LYST: variants seen among roughly 807,000 people sequenced by gnomAD.
LYST encodes the protein lysosomal trafficking regulator.
In LYST, 192 loss-of-function variants were observed where a neutral mutation model predicts 413.6. That is an observed-to-expected ratio of 0.46 (90% confidence interval 0.41 to 0.52). The LOEUF (loss-of-function observed/expected upper bound fraction) is 0.52. Among genes scored for constraint, LYST ranks in the 20% least tolerant of loss-of-function variants. The pLI, the probability that LYST is intolerant of heterozygous loss-of-function variation, is 0.00. For synonymous variants in LYST, 1,525 were observed against 1,567.3 expected, an observed-to-expected ratio of 0.97 and a Z score of 0.64; for missense variants, 3,815 against 4,499.9, an observed-to-expected ratio of 0.85 and a Z score of 4.35.
chr1:235,872,580 A>C (rs1680981274), intron 1 of LYST, among the ~76,000 whole-genome samples: 1 of 152,188 alleles, frequency 6.6e-6, no homozygotes, highest in Non-Finnish European at 1.5e-5. Flanking sequence ...TATGACCTAG[A>C]ATCATCCAAC....
chr1:235,778,078 A>G (rs1669465023), intron 16 of LYST, among the ~76,000 whole-genome samples: 1 of 139,186 alleles, frequency 7.2e-6, no homozygotes, highest in African/African-American at 3.2e-5. Flanking sequence ...ACCTGCCACC[A>G]CACCCAGTTA....
At chr1:235,780,674 A>C (rs1029035950) in intron 16 of LYST, among the ~76,000 whole-genome samples, 191 bp downstream of exon 16, 1 of 151,970 alleles carries the variant, frequency 6.6e-6, no homozygotes, top group Non-Finnish European at 1.5e-5. Context: ...TATAAATATA[A>C]AGCCTGAAAC....
intron 24 of LYST, among the ~76,000 whole-genome samples, chr1:235,756,470 C>T (rs951554975): frequency 5.3e-5 from 8 of 152,016 alleles, no homozygotes; most frequent in African/African-American, 1.9e-4. Context: ...ATATTATTTC[C>T]CTTTATATAC....
chr1:235,699,141 G>A lies in LYST; in HGVS notation c.10375-1869C>T, dbSNP rs548369228. On this transcript the variant is annotated intron_variant, in intron 45 of 52. Coordinates refer to ENST00000389793, the MANE Select transcript of LYST (RefSeq NM_000081.4). ...TAGTTCTGGGATACATGTGCAGAAC[G>A]TGCAGGTTTGTTACATAGGTATACG... is the stretch of plus-strand genomic sequence containing the variant. Among the ~76,000 whole-genome samples, 38 of 152,100 alleles carry A rather than the reference G, an allele frequency of 2.5e-4. No homozygotes were observed. In the South Asian group the frequency reaches 4.6e-3, roughly 18 times the overall value.
rs776383540 is a variant in LYST at position 235,693,505 on chromosome 1, G to C, written c.10565-19C>G. On this transcript the variant is annotated intron_variant, in intron 46 of 52. Coordinates refer to ENST00000389793, the MANE Select transcript of LYST (RefSeq NM_000081.4). ...CTCACACCTCAAGGAGAAGGAGAAAGAAAAGTATCAGATTGTCACTGCTCG... is the reference window on the plus strand; with the variant it reads ...CTCACACCTCAAGGAGAAGGAGAAACAAAAGTATCAGATTGTCACTGCTCG... The C allele has an allele frequency of 6.2e-7, 1 of 1,613,842 alleles. No individual in the cohort carries two copies. The highest frequency in any genetic ancestry group is 8.5e-7 in the Non-Finnish European group (1 of 1,179,980).
chr1:235,849,069 GA>G (rs756790912), intron 1 of LYST, among the ~76,000 whole-genome samples: 2 of 151,996 alleles, frequency 1.3e-5, no homozygotes, highest in Non-Finnish European at 2.9e-5. Flanking sequence ...ACCAAAAAGA[GA>G]AAACTACAGA....
chr1:235,714,460 A>T (rs2103133050), intron 42 of LYST, among the ~76,000 whole-genome samples: 1 of 152,334 alleles, frequency 6.6e-6, no homozygotes, highest in Non-Finnish European at 1.5e-5. Flanking sequence ...GACCAATAAG[A>T]GTGAATACAA....
chr1:235,829,731 C>T (rs1028316086), intron 3 of LYST: 1 of 153,232 alleles, frequency 6.5e-6, no homozygotes, highest in African/African-American at 2.4e-5. Context: ...TATGGTCATA[C>T]CATACTTTAA....
At chr1:235,855,065 T>C (rs1304987736) in intron 1 of LYST, among the ~76,000 whole-genome samples, 2 of 152,236 alleles carry the variant, frequency 1.3e-5, no homozygotes, top group African/African-American at 4.8e-5. Flanking sequence ...CTTTCTCAAC[T>C]AATTTTTTAT....
intron 44 of LYST, among the ~76,000 whole-genome samples, chr1:235,705,442 G>A (rs541910999): frequency 6.6e-6 from 1 of 152,138 alleles, no homozygotes; most frequent in South Asian, 2.1e-4. Flanking sequence ...CTGGAATGCA[G>A]TGGCACGATC....
At chr1:235,793,440 C>A in intron 11 of LYST, 63 bp downstream of exon 11, 1 of 779,958 alleles carries the variant, frequency 1.3e-6, no homozygotes. Flanking sequence ...AAAATACATT[C>A]TATTAAAAAT....
chr1:235,744,216 A>G lies in LYST; in HGVS notation c.7973-59T>C. On this transcript the variant is annotated intron_variant, in intron 29 of 52. Coordinates refer to ENST00000389793, the MANE Select transcript of LYST (RefSeq NM_000081.4). ...ATATCACTGCTATCTTGCCATTATA[A>G]ATAGTAATAATACTGGTAAAAAATA... The G allele has an allele frequency of 3.4e-6, 3 of 877,428 alleles. No homozygotes were observed. In the Admixed American group the frequency reaches 5.3e-5, roughly 16 times the overall value. 54.4% of individuals were successfully genotyped at this position (877,428 alleles called of 1,614,324 possible). A position where few individuals can be genotyped will look rare whatever the true frequency, so the allele number is the denominator to read the frequency against.
chr1:235,746,204 T>C, intron 29 of LYST, 132 bp downstream of exon 29: 1 of 754,554 alleles, frequency 1.3e-6, no homozygotes, highest in Middle Eastern at 3.2e-4. Context: ...AATAAGAAAC[T>C]CTTAATACTA....
chr1:235,727,124 CTTTTTTTT>C (rs763736405), intron 38 of LYST, among the ~76,000 whole-genome samples: 3 of 135,120 alleles, frequency 2.2e-5, no homozygotes, highest in Non-Finnish European at 4.8e-5. Flanking sequence ...TTCTTTCTTT[CTTTTTTTT>C]TTTTTTTTGA....
At chr1:235,695,091 A>C (rs2103080058) in intron 46 of LYST, among the ~76,000 whole-genome samples, 2 of 152,208 alleles carry the variant, frequency 1.3e-5, no homozygotes, top group South Asian at 4.2e-4. Flanking sequence ...TCTAGTGTTG[A>C]GTGTATGTAG....
At chr1:235,861,357 A>G (rs147128669) in intron 1 of LYST, among the ~76,000 whole-genome samples, 14 of 152,312 alleles carry the variant, frequency 9.2e-5, no homozygotes, top group African/African-American at 3.4e-4. Context: ...TTAGACCTGG[A>G]AAGCCTTCAA....
intron 1 of LYST, chr1:235,840,275 A>G (rs1402150048): frequency 6.6e-6 from 1 of 152,234 alleles, no homozygotes; most frequent in African/African-American, 2.4e-5. Flanking sequence ...AATAAATTGA[A>G]GTTGTACAGG....
intron 1 of LYST, among the ~76,000 whole-genome samples, chr1:235,860,654 T>G (rs1679759074): frequency 6.6e-6 from 1 of 152,212 alleles, no homozygotes; most frequent in African/African-American, 2.4e-5. Context: ...TCATGTCTTT[T>G]CATGGTCAAG....
intron 25 of LYST, among the ~76,000 whole-genome samples, chr1:235,754,229 CTT>C (rs71576486): frequency 0.04 from 3,491 of 86,390 alleles, 113 homozygotes; most frequent in African/African-American, 0.12. Flanking sequence ...CTTTTCTTTT[CTT>C]TTTTTTTTTT....
Sources: gnomAD v4.1 joint callset for allele counts (sites outside exome capture counted in the v4.1 genomes callset) on GRCh38, gnomAD v4.1.1 for gene constraint, MANE v1.5 for transcripts, NCBI Gene and HGNC (gene_info 2026-07-23, HGNC 2026-07-21) for gene names.